Variants in CRACDL observed in about 807,000 individuals in gnomAD.
CRACDL encodes the protein CRACD like, also known as CRACD-like protein.
Under a neutral mutation model 70.6 loss-of-function variants are expected in CRACDL, and 26 were observed. That is an observed-to-expected ratio of 0.37 (90% CI 0.27 to 0.51). The LOEUF is 0.51. Among genes scored for constraint, CRACDL ranks in the 20% least tolerant of loss-of-function variants. The pLI, the probability that CRACDL is intolerant of heterozygous loss-of-function variation, is 0.94. For synonymous variants in CRACDL, 618 were observed against 615.2 expected, an observed-to-expected ratio of 1.00 and a Z score of -0.07; for missense variants, 1,283 against 1,376.9, an observed-to-expected ratio of 0.93 and a Z score of 1.08.
intron 1 of CRACDL, among the ~76,000 whole-genome samples, chr2:98,885,488 G>T (rs1451830371): frequency 1.3e-5 from 2 of 152,168 alleles, no homozygotes; most frequent in Non-Finnish European, 2.9e-5. Context: ...GATGCTGTTG[G>T]ATGCTAATGT....
At chr2:98,869,160 A>C (rs1707252303) in intron 1 of CRACDL, 2 of 1,304,224 alleles carry the variant, frequency 1.5e-6, no homozygotes, top group South Asian at 2.5e-5. Context: ...ATCCTCCTGG[A>C]AGCTAGCAGC....
At chr2:98,812,254 C>T (rs920071470) in intron 7 of CRACDL, among the ~76,000 whole-genome samples, 15 of 152,148 alleles carry the variant, frequency 9.9e-5, no homozygotes, top group Non-Finnish European at 1.3e-4. Context: ...GGATTACAGG[C>T]GTGAGCCACC....
chr2:98,855,178 G>C (rs1211552598), intron 1 of CRACDL, among the ~76,000 whole-genome samples: 1 of 151,962 alleles, frequency 6.6e-6, no homozygotes, highest in Admixed American at 6.6e-5. Context: ...TACTTGGGAG[G>C]CTGAGGCAAG....
chr2:98,826,522 G>T (rs1705309169), intron 6 of CRACDL, among the ~76,000 whole-genome samples: 2 of 152,156 alleles, frequency 1.3e-5, no homozygotes, highest in South Asian at 4.1e-4. Context: ...TTTTCTGGGG[G>T]ACTCTCAGGC....
chr2:98,904,368 C>A (rs1708354469), intron 1 of CRACDL, among the ~76,000 whole-genome samples: 1 of 152,238 alleles, frequency 6.6e-6, no homozygotes, highest in Non-Finnish European at 1.5e-5. Flanking sequence ...CACAGGAAGT[C>A]TCTCCATGGG....
At chr2:98,897,963 C>T (rs1325920575) in intron 1 of CRACDL, among the ~76,000 whole-genome samples, 1 of 152,240 alleles carries the variant, frequency 6.6e-6, no homozygotes, top group Admixed American at 6.5e-5. Flanking sequence ...CATTAAAATC[C>T]TGATGCTCCC....
chr2:98,812,026 G>A (rs556951515), intron 7 of CRACDL, among the ~76,000 whole-genome samples: 5 of 152,292 alleles, frequency 3.3e-5, no homozygotes, highest in African/African-American at 1.2e-4. Flanking sequence ...CCAGGCTGGA[G>A]TTGCAGTGGC....
Position 98,822,906 on chromosome 2 carries a change from G to A in CRACDL, c.1367C>T (p.Pro456Leu). 6.8e-7 allele frequency: 1 copy of A among 1,468,422 alleles called. No homozygotes were observed. Among genetic ancestry groups the A allele is most frequent in the South Asian group, 1.4e-5 (1 of 72,728 alleles). 91.0% of individuals were successfully genotyped at this position (1,468,422 alleles called of 1,614,324 possible). A position where few individuals can be genotyped will look rare whatever the true frequency, so the allele number is the denominator to read the frequency against. ...LPDEEKGPPG[P>L]APEPEREAET... is the part of the protein sequence containing the mutation. ...CGCTTCTCTCTCGGGCTCAGGCGCC[G>A]GCCCTGGGGGCCCCTTCTCCTCATC... Residue 456 changes from proline to leucine, a missense_variant, in exon 7 of 10, where the codon CCG becomes CTG. Coordinates refer to ENST00000397899, the MANE Select transcript of CRACDL (RefSeq NM_207362.3). The surrounding 1 kb of genome is among the most constrained non-coding windows in gnomAD (Gnocchi z 4.9).
At chr2:98,865,846 C>A (rs922041393) in intron 1 of CRACDL, among the ~76,000 whole-genome samples, 3 of 148,742 alleles carry the variant, frequency 2.0e-5, no homozygotes, top group Admixed American at 6.7e-5. Flanking sequence ...TGTTGCCCAG[C>A]CTAGAGTGCA....
At chr2:98,843,968 A>G (rs987470964) in intron 2 of CRACDL, among the ~76,000 whole-genome samples, 2 of 152,218 alleles carry the variant, frequency 1.3e-5, no homozygotes, top group Non-Finnish European at 2.9e-5. Flanking sequence ...TTCAAAAAAA[A>G]TCATCCCAGG....
At chr2:98,820,282 C>T (rs1333922358) in intron 7 of CRACDL, among the ~76,000 whole-genome samples, 1 of 151,856 alleles carries the variant, frequency 6.6e-6, no homozygotes, top group Non-Finnish European at 1.5e-5. Context: ...GTAATCCCAG[C>T]ACTTTGGGAG....
chr2:98,846,290 A>G (rs1311351230), intron 2 of CRACDL, among the ~76,000 whole-genome samples: 3 of 152,174 alleles, frequency 2.0e-5, no homozygotes, highest in African/African-American at 7.2e-5. Flanking sequence ...CTTCAGAACA[A>G]AAGTCATGAA....
chr2:98,830,716 T>G (rs1278874857), intron 5 of CRACDL, among the ~76,000 whole-genome samples: 2 of 152,096 alleles, frequency 1.3e-5, no homozygotes, highest in Non-Finnish European at 2.9e-5. Context: ...AGGAGGTGGT[T>G]GTGCTGTGAG....
intron 3 of CRACDL, 48 bp from the exon 4 acceptor site, chr2:98,833,045 G>A (rs1298381825): frequency 6.5e-7 from 1 of 1,540,904 alleles, no homozygotes; most frequent in Non-Finnish European, 8.8e-7. Context: ...CCATCTTACT[G>A]ACCCCTGGGG....
intron 7 of CRACDL, among the ~76,000 whole-genome samples, chr2:98,806,623 A>G (rs566375279): frequency 6.6e-6 from 1 of 152,356 alleles, no homozygotes; most frequent in South Asian, 2.1e-4. Context: ...GGAGGCAATG[A>G]CCACTCTACC....
chr2:98,914,748 G>A (rs1708628446), intron 1 of CRACDL, among the ~76,000 whole-genome samples: 1 of 152,202 alleles, frequency 6.6e-6, no homozygotes, highest in Non-Finnish European at 1.5e-5. Flanking sequence ...TGAACGTGGG[G>A]ACATGGACTG....
chr2:98,872,421 G>A (rs568787701), intron 1 of CRACDL, among the ~76,000 whole-genome samples: 1 of 152,248 alleles, frequency 6.6e-6, no homozygotes, highest in African/African-American at 2.4e-5. Context: ...AGTACACATG[G>A]AGATAAAGAT....
At chr2:98,933,610 G>A (rs747744628) in intron 1 of CRACDL, among the ~76,000 whole-genome samples, 5 of 152,114 alleles carry the variant, frequency 3.3e-5, no homozygotes, top group Non-Finnish European at 7.3e-5. Context: ...AACACAAGCA[G>A]TATTTATGTG....
At chr2:98,794,759 T>G in intron 9 of CRACDL, 88 bp from the exon 10 acceptor site, 1 of 1,150,324 alleles carries the variant, frequency 8.7e-7, no homozygotes, top group Non-Finnish European at 1.3e-6. Context: ...GAACTAGACA[T>G]CGAGGTCTTA....
Sources: gnomAD v4.1 joint callset for allele counts (sites outside exome capture counted in the v4.1 genomes callset) on GRCh38, gnomAD v4.1.1 for gene constraint, Gnocchi (gnomAD v3.1) non-coding constraint, MANE v1.5 for transcripts, NCBI Gene and HGNC (gene_info 2026-07-23, HGNC 2026-07-21) for gene names.